MSI2: variants seen among roughly 807,000 people sequenced by gnomAD.
MSI2 encodes RNA-binding protein Musashi homolog 2.
MSI2 carries 17 observed loss-of-function variants against 45.6 expected under a neutral mutation model. That is an observed-to-expected ratio of 0.37 (90% CI 0.26 to 0.56). MSI2 has a LOEUF of 0.56. MSI2 is among the 20% of genes least tolerant of loss of function. MSI2 has a pLI of 0.77. For synonymous variants in MSI2, 156 were observed against 158.2 expected (o/e 0.99, Z 0.11); for missense variants, 293 against 444.2 (o/e 0.66, Z 3.06).
chr17:57,640,424 G>A lies in MSI2; in HGVS notation c.728-11675G>A, dbSNP rs1360674308. On this transcript the variant is annotated intron_variant, in intron 10 of 13. Coordinates refer to ENST00000284073, the MANE Select transcript of MSI2 (RefSeq NM_138962.4). ...ATTAATAGGATTTTAGAATAGGAAGGCACCAAAGGGATTTCTCAGCTCCGC... is the reference window on the plus strand; with the variant it reads ...ATTAATAGGATTTTAGAATAGGAAGACACCAAAGGGATTTCTCAGCTCCGC... Among the ~76,000 whole-genome samples, 3 of 152,216 alleles carry A rather than the reference G, an allele frequency of 2.0e-5. No homozygotes were observed. In the East Asian group the frequency reaches 5.8e-4, roughly 29 times the overall value.
chr17:57,497,570 G>A (rs1216901038), intron 6 of MSI2, among the ~76,000 whole-genome samples: 2 of 152,158 alleles, frequency 1.3e-5, no homozygotes, highest in African/African-American at 2.4e-5. Flanking sequence ...AGACAGCTAC[G>A]TCTCTCTATG....
intron 5 of MSI2, among the ~76,000 whole-genome samples, chr17:57,302,318 C>T (rs1038612314): frequency 2.6e-5 from 4 of 152,098 alleles, no homozygotes; most frequent in South Asian, 2.1e-4. Context: ...CTGTGTTGCC[C>T]GGGCTGGACT....
At chr17:57,366,356 G>T (rs1323053291) in intron 5 of MSI2, among the ~76,000 whole-genome samples, 2 of 152,192 alleles carry the variant, frequency 1.3e-5, no homozygotes, top group Non-Finnish European at 1.5e-5. Context: ...CCCTTCTCAC[G>T]CCTCTTCCCT....
chr17:57,280,975 T>G lies in MSI2; in HGVS notation c.312+18783T>G, dbSNP rs1357657075. Reference sequence around the variant, plus strand: ...AGAGCACTCTGCAATCCAGGGGCTCTCCCGTGAGTTCTGCCCAGGCCAGGG... The same window carrying G: ...AGAGCACTCTGCAATCCAGGGGCTCGCCCGTGAGTTCTGCCCAGGCCAGGG... On this transcript the variant is annotated intron_variant, in intron 5 of 13. Coordinates refer to ENST00000284073, the MANE Select transcript of MSI2 (RefSeq NM_138962.4). The surrounding 1 kb of genome is among the most constrained non-coding windows in gnomAD (Gnocchi z 4.2). Among the ~76,000 whole-genome samples the G allele has an allele frequency of 6.6e-6, 1 of 152,126 alleles. No homozygotes were observed. The highest frequency in any genetic ancestry group is 1.9e-4 in the East Asian group (1 of 5,174).
intron 7 of MSI2, among the ~76,000 whole-genome samples, chr17:57,565,593 C>T (rs1446812204): frequency 2.6e-5 from 4 of 152,204 alleles, no homozygotes; most frequent in Non-Finnish European, 5.9e-5. Context: ...GTTGGGATTG[C>T]TTGCCTGTCC....
chr17:57,311,193 A>C (rs1310832917), intron 5 of MSI2, among the ~76,000 whole-genome samples: 1 of 152,120 alleles, frequency 6.6e-6, no homozygotes, highest in Non-Finnish European at 1.5e-5. Flanking sequence ...GCACTCAGAG[A>C]AACTGTGGGA....
chr17:57,513,184 G>T (rs1371532440), intron 6 of MSI2, among the ~76,000 whole-genome samples: 2 of 151,960 alleles, frequency 1.3e-5, no homozygotes, highest in Non-Finnish European at 2.9e-5. Context: ...GTGTTGGTTA[G>T]GCTGGTCTCA....
chr17:57,633,665 C>T (rs1909606112), intron 10 of MSI2, among the ~76,000 whole-genome samples: 1 of 152,158 alleles, frequency 6.6e-6, no homozygotes, highest in African/African-American at 2.4e-5. Context: ...TTTCCAGGTC[C>T]CACTTGGCCA....
At chr17:57,512,970 T>TTTTTTTC (rs2086389026) in intron 6 of MSI2, among the ~76,000 whole-genome samples, 1 of 101,194 alleles carries the variant, frequency 9.9e-6, no homozygotes, top group Admixed American at 1.1e-4. Context: ...GCTTCTTCCT[T>TTTTTTTC]TTTTTTTTTT....
intron 6 of MSI2, among the ~76,000 whole-genome samples, chr17:57,470,503 C>T (rs2085414264): frequency 6.6e-6 from 1 of 152,170 alleles, no homozygotes; most frequent in Admixed American, 6.5e-5. Flanking sequence ...GTCTCGAACT[C>T]CTGACCTCAG....
chr17:57,606,191 C>T (rs1433543901), intron 8 of MSI2: 1 of 152,538 alleles, frequency 6.6e-6, no homozygotes, highest in Admixed American at 6.5e-5. Flanking sequence ...TCTTCACTCC[C>T]CATTCTGGGA....
At chr17:57,455,875 C>T (rs1226753342) in intron 6 of MSI2, among the ~76,000 whole-genome samples, 1 of 152,224 alleles carries the variant, frequency 6.6e-6, no homozygotes, top group Non-Finnish European at 1.5e-5. Flanking sequence ...CACACACGTT[C>T]CCATCCCAGC....
chr17:57,350,255 T>TGTGTGTGA (rs1567773707), intron 5 of MSI2, among the ~76,000 whole-genome samples: 2 of 151,708 alleles, frequency 1.3e-5, no homozygotes, highest in Admixed American at 6.6e-5. Context: ...TGTGTGTGTG[T>TGTGTGTGA]TCATAGAAGG....
At chr17:57,498,255 A>C (rs765566986) in intron 6 of MSI2, among the ~76,000 whole-genome samples, 19 of 152,370 alleles carry the variant, frequency 1.2e-4, no homozygotes, top group Admixed American at 6.5e-4. Context: ...AAAAAATCTC[A>C]ATACCCCAAT....
intron 7 of MSI2, among the ~76,000 whole-genome samples, chr17:57,539,803 G>A (rs1438054904): frequency 3.9e-5 from 6 of 152,158 alleles, no homozygotes; most frequent in African/African-American, 1.2e-4. Flanking sequence ...GCCAGAACAG[G>A]GAGGTCCTCC....
intron 5 of MSI2, chr17:57,285,944 C>A (rs2143417669): frequency 1.3e-6 from 2 of 1,534,554 alleles, no homozygotes; most frequent in South Asian, 1.2e-5. Flanking sequence ...GAATCAGTAT[C>A]TTTTTATTCA....
At chr17:57,468,867 G>A (rs1415859226) in intron 6 of MSI2, among the ~76,000 whole-genome samples, 1 of 151,636 alleles carries the variant, frequency 6.6e-6, no homozygotes, top group Admixed American at 6.6e-5. Context: ...GTCATTAGCT[G>A]ACCTCTCTCT....
intron 5 of MSI2, among the ~76,000 whole-genome samples, chr17:57,310,514 A>G (rs1290232479): frequency 6.6e-6 from 1 of 152,062 alleles, no homozygotes; most frequent in Admixed American, 6.5e-5. Flanking sequence ...TTGTATTTTT[A>G]GTAGAGACGG....
intron 5 of MSI2, among the ~76,000 whole-genome samples, chr17:57,396,555 C>G (rs2083894243): frequency 6.6e-6 from 1 of 152,184 alleles, no homozygotes; most frequent in Non-Finnish European, 1.5e-5. Context: ...AGCCAGCTCT[C>G]TGTTTAGAGG....
Sources: gnomAD v4.1 joint callset for allele counts (sites outside exome capture counted in the v4.1 genomes callset) on GRCh38, gnomAD v4.1.1 for gene constraint, Gnocchi (gnomAD v3.1) non-coding constraint, MANE v1.5 for transcripts, NCBI Gene and HGNC (gene_info 2026-07-23, HGNC 2026-07-21) for gene names.